The following CTDSPL2 variants were observed in gnomAD, a reference collection of about 807,000 sequenced individuals.
CTDSPL2 encodes CTD small phosphatase-like protein 2.
CTDSPL2 carries 5 observed loss-of-function variants against 60.0 expected under a neutral mutation model. That is an observed-to-expected ratio of 0.08 (90% CI 0.04 to 0.18). CTDSPL2 has a LOEUF of 0.18. Among genes scored for constraint, CTDSPL2 ranks in the 10% least tolerant of loss-of-function variants. The probability of loss-of-function intolerance (pLI) is 1.00; values close to 1 mark genes in which losing one functional copy is unlikely to be tolerated. For synonymous variants in CTDSPL2, 186 were observed against 189.3 expected (o/e 0.98, Z 0.14); for missense variants, 370 against 548.8 (o/e 0.67, Z 3.26).
intron 2 of CTDSPL2, among the ~76,000 whole-genome samples, chr15:44,479,241 A>G (rs1010346719): frequency 6.6e-6 from 1 of 151,830 alleles, no homozygotes; most frequent in African/African-American, 2.4e-5. Flanking sequence ...AAAATTGTTC[A>G]TTTTACCCTC....
chr15:44,438,031 G>A (rs541450059), intron 1 of CTDSPL2, among the ~76,000 whole-genome samples: 11 of 152,236 alleles, frequency 7.2e-5, no homozygotes, highest in African/African-American at 2.2e-4. Flanking sequence ...TTGGGAGGCC[G>A]AGGCAGGTGG....
chr15:44,493,627 C>T (rs1024513774), intron 5 of CTDSPL2, among the ~76,000 whole-genome samples: 1 of 151,992 alleles, frequency 6.6e-6, no homozygotes, highest in Non-Finnish European at 1.5e-5. Flanking sequence ...AACCCTGTAT[C>T]TACAAAAACA....
chr15:44,442,480 G>T (rs1259109999), intron 1 of CTDSPL2, among the ~76,000 whole-genome samples: 1 of 151,370 alleles, frequency 6.6e-6, no homozygotes, highest in Non-Finnish European at 1.5e-5. Context: ...TAATTTTAAA[G>T]TCTGGAATTA....
chr15:44,505,834 T>C (rs949171922), intron 8 of CTDSPL2, among the ~76,000 whole-genome samples: 9 of 152,132 alleles, frequency 5.9e-5, no homozygotes, highest in African/African-American at 2.2e-4. Flanking sequence ...TTACATTAAA[T>C]TGGAGGCTTC....
chr15:44,454,257 AC>A (rs2080389591), intron 1 of CTDSPL2, among the ~76,000 whole-genome samples: 1 of 151,998 alleles, frequency 6.6e-6, no homozygotes, highest in South Asian at 2.1e-4. Flanking sequence ...AATATCCTTC[AC>A]CCACTTTTTG....
At chr15:44,442,976 CA>C (rs72305309) in intron 1 of CTDSPL2, among the ~76,000 whole-genome samples, 258 of 136,032 alleles carry the variant, frequency 1.9e-3, no homozygotes, top group African/African-American at 2.5e-3. Context: ...GACCGTGTCT[CA>C]AAAAAAAAAA....
chr15:44,520,211 C>T (rs1220443022), intron 11 of CTDSPL2: 3 of 149,522 alleles, frequency 2.0e-5, no homozygotes, highest in South Asian at 2.1e-4. Context: ...TGCAGTGGCA[C>T]GATCTCAGCT....
chr15:44,493,241 CTGAT>C (rs2081246044), intron 5 of CTDSPL2, among the ~76,000 whole-genome samples: 1 of 152,144 alleles, frequency 6.6e-6, no homozygotes, highest in South Asian at 2.1e-4. Flanking sequence ...TGCAGTTACT[CTGAT>C]TGGGATGATC....
At chr15:44,428,770 C>T (rs2079798423) in intron 1 of CTDSPL2, among the ~76,000 whole-genome samples, 1 of 152,206 alleles carries the variant, frequency 6.6e-6, no homozygotes, top group Non-Finnish European at 1.5e-5. Context: ...TGCTTTGTCT[C>T]CCCATTCTTC....
At chr15:44,447,024 C>T (rs1429726616) in intron 1 of CTDSPL2, among the ~76,000 whole-genome samples, 1 of 152,006 alleles carries the variant, frequency 6.6e-6, no homozygotes, top group African/African-American at 2.4e-5. Flanking sequence ...ACTTTTTAAT[C>T]AGTTAAAATG....
In CTDSPL2 at chr15:44,444,128, G is replaced by A. The variant is rs550079802; in HGVS notation, c.-24-14863G>A. On this transcript the variant is annotated intron_variant, in intron 1 of 12. Coordinates refer to ENST00000260327, the MANE Select transcript of CTDSPL2 (RefSeq NM_016396.3). Reference sequence around the variant, plus strand: ...CCTTGTTGCTCAGACTGGTCAAAACGGTCCTTCTGCCTCAGCCTCCCAAGT... The same window carrying A: ...CCTTGTTGCTCAGACTGGTCAAAACAGTCCTTCTGCCTCAGCCTCCCAAGT... 1.0e-3 allele frequency among the ~76,000 whole-genome samples: 156 copies of A among 152,030 alleles called. 2 individuals carry two copies. Among genetic ancestry groups the A allele is most frequent in the East Asian group, 9.7e-4 (5 of 5,166 alleles).
At chr15:44,510,425 C>CTTATTATTATATTATTATATATATATA (rs1179984206) in intron 8 of CTDSPL2, among the ~76,000 whole-genome samples, 1 of 152,094 alleles carries the variant, frequency 6.6e-6, no homozygotes, top group Non-Finnish European at 1.5e-5. Context: ...ATAATTATTT[C>CTTATTATTATATTATTATATATATATA]TTATTATGGC....
At chr15:44,509,403 C>T (rs1166991535) in intron 8 of CTDSPL2, among the ~76,000 whole-genome samples, 1 of 151,714 alleles carries the variant, frequency 6.6e-6, no homozygotes, top group Non-Finnish European at 1.5e-5. Flanking sequence ...ACGGGGTTTC[C>T]ACCATGTTGG....
rs578125387 is a variant in CTDSPL2, at chr15:44,508,445, ATTC to A, written c.970-6147_970-6145del. On this transcript the variant is annotated intron_variant, in intron 8 of 12. Transcript: ENST00000260327. ...ACTTTGTTTATTTTCTACTGTTTTAATTCTTCTTGCTTAATTAAATAAGAAATA... is the reference window on the plus strand; with the variant it reads ...ACTTTGTTTATTTTCTACTGTTTTAATTCTTGCTTAATTAAATAAGAAATA... Among the ~76,000 whole-genome samples the A allele has an allele frequency of 1.8e-4, 27 of 152,148 alleles. No individual in the cohort carries two copies. In the South Asian group the frequency reaches 5.6e-3, roughly 32 times the overall value.
In CTDSPL2 at chr15:44,446,065, A is replaced by G. The variant is rs1002223826; in HGVS notation, c.-24-12926A>G. ...CTCAGCCTCCCAAGTAGCTGGGACT[A>G]CAGGAGCCCACCACCACGCCTGGTT... On this transcript the variant is annotated intron_variant, in intron 1 of 12. Coordinates refer to ENST00000260327, the MANE Select transcript of CTDSPL2 (RefSeq NM_016396.3). Among the ~76,000 whole-genome samples the G allele has an allele frequency of 2.0e-5, 3 of 151,046 alleles. No individual in the cohort carries two copies. The Admixed American group carries it at 2.0e-4, about 10-fold the overall frequency.
rs969724199 is a variant in CTDSPL2, at chr15:44,528,932, T to C, written c.*4758T>C. ...TAATTTCTTCTTATTTACTATGCAG[T>C]ATAGCCGTGAACAAGTAATGTAGAT... On this transcript the variant is annotated 3_prime_UTR_variant, in exon 13 of 13. Coordinates refer to ENST00000260327, the MANE Select transcript of CTDSPL2 (RefSeq NM_016396.3). 5 of 152,210 alleles carry C rather than the reference T, an allele frequency of 3.3e-5. No individual in the cohort carries two copies. In the East Asian group the frequency reaches 9.6e-4, roughly 29 times the overall value. 9.4% of individuals were successfully genotyped at this position (152,210 alleles called of 1,614,324 possible).
At chr15:44,441,726 G>C (rs530332555) in intron 1 of CTDSPL2, among the ~76,000 whole-genome samples, 1 of 152,192 alleles carries the variant, frequency 6.6e-6, no homozygotes, top group South Asian at 2.1e-4. Context: ...TTTTTAAAAG[G>C]TTCAATTTTG....
Position 44,516,091 on chromosome 15 carries a change from C to T in CTDSPL2, c.1112+1247C>T, listed in dbSNP as rs932461613. Reference sequence around the variant, plus strand: ...AAAAGATTCTCCTGCCTCAGCCTCTCGAGTAGCTGGGACTACAGGTGTGTG... The same window carrying T: ...AAAAGATTCTCCTGCCTCAGCCTCTTGAGTAGCTGGGACTACAGGTGTGTG... On this transcript the variant is annotated intron_variant, in intron 10 of 12. Transcript: ENST00000260327. Among the ~76,000 whole-genome samples, 6 of 151,032 alleles carry T rather than the reference C, an allele frequency of 4.0e-5. No homozygotes were observed. In the South Asian group the frequency reaches 1.3e-3, roughly 32 times the overall value.
chr15:44,438,181 G>A (rs1055551656), intron 1 of CTDSPL2, among the ~76,000 whole-genome samples: 1 of 151,960 alleles, frequency 6.6e-6, no homozygotes, highest in Non-Finnish European at 1.5e-5. Flanking sequence ...GGAGAATGGC[G>A]TGAACCCGGG....
Sources: gnomAD v4.1 joint callset for allele counts (sites outside exome capture counted in the v4.1 genomes callset) on GRCh38, gnomAD v4.1.1 for gene constraint, MANE v1.5 for transcripts, NCBI Gene and HGNC (gene_info 2026-07-23, HGNC 2026-07-21) for gene names.